The following ATP13A4 variants were observed in gnomAD, a reference collection of about 807,000 sequenced individuals.
ATP13A4 encodes ATPase 13A4, also known as probable cation-transporting ATPase 13A4.
A neutral mutation model predicts 142.5 loss-of-function variants in ATP13A4; 114 were observed. The observed-to-expected ratio is 0.80, with a 90% CI of 0.69 to 0.93. The LOEUF (loss-of-function observed/expected upper bound fraction) is 0.93. ATP13A4 is among the 40% of genes least tolerant of loss of function. The probability of loss-of-function intolerance (pLI) is 0.00; values close to 1 mark genes in which losing one functional copy is unlikely to be tolerated. For synonymous variants in ATP13A4, 488 were observed against 514.8 expected (o/e 0.95, Z 0.70); for missense variants, 1,392 against 1,454.0 (o/e 0.96, Z 0.69).
chr3:193,522,609 T>G (rs1260472184), intron 1 of ATP13A4, among the ~76,000 whole-genome samples: 1 of 152,228 alleles, frequency 6.6e-6, no homozygotes, highest in Admixed American at 6.5e-5. Context: ...CTCTCTGATA[T>G]TCTCGTTTGG....
upstream of ATP13A4, among the ~76,000 whole-genome samples, chr3:193,558,508 C>T (rs944847077): frequency 6.6e-6 from 1 of 152,164 alleles, no homozygotes; most frequent in Non-Finnish European, 1.5e-5. Context: ...AATTATGCCC[C>T]AGAAAAGTTA....
At chr3:193,488,898 A>ACTGCC (rs1313235520) in intron 7 of ATP13A4, among the ~76,000 whole-genome samples, 5 of 152,118 alleles carry the variant, frequency 3.3e-5, no homozygotes, top group Non-Finnish European at 7.4e-5. Context: ...GCACCCCAGG[A>ACTGCC]AGGTGGGAGT....
intron 17 of ATP13A4, among the ~76,000 whole-genome samples, chr3:193,453,154 T>A (rs1717382162): frequency 6.6e-6 from 1 of 152,264 alleles, no homozygotes; most frequent in Non-Finnish European, 1.5e-5. Context: ...GAGCATTTAT[T>A]AAACTATCAC....
intron 3 of ATP13A4, among the ~76,000 whole-genome samples, chr3:193,497,923 T>C (rs1030641711): frequency 1.3e-5 from 2 of 152,146 alleles, no homozygotes; most frequent in African/African-American, 2.4e-5. Flanking sequence ...GGGAATAGCA[T>C]AGACAAAGGG....
In ATP13A4 at chr3:193,459,182, G is replaced by A; in HGVS notation, c.1573C>T (p.Pro525Ser). 6.2e-7 allele frequency: 1 copy of A among 1,614,204 alleles called. No homozygotes were observed. The highest frequency in any genetic ancestry group is 8.5e-7 in the Non-Finnish European group (1 of 1,180,048). Residue 525 changes from proline to serine, a missense_variant, in exon 14 of 30, where the codon CCA becomes TCA. Coordinates refer to ENST00000342695, the MANE Select transcript of ATP13A4 (RefSeq NM_032279.4). ...CAGCTGGCCATCGCTGCACACAGTG[G>A]GCCCCATGGCAAAGCCTGGCCTGAG... Reference protein sequence around the residue: ...FASGQALPWGPLCAAMASCHS... With the variant: ...FASGQALPWGSLCAAMASCHS...
At chr3:193,557,520 C>T (rs1367702543), upstream of ATP13A4, among the ~76,000 whole-genome samples, 3 of 152,220 alleles carry the variant, frequency 2.0e-5, no homozygotes, top group Non-Finnish European at 4.4e-5. Flanking sequence ...GCACACAATC[C>T]TGACAAAAGC....
upstream of ATP13A4, among the ~76,000 whole-genome samples, chr3:193,559,287 T>C (rs909253055): frequency 1.3e-5 from 2 of 152,198 alleles, no homozygotes; most frequent in Admixed American, 1.3e-4. Flanking sequence ...TTCAAGGTCA[T>C]GTGTCTTTAC....
intron 25 of ATP13A4, among the ~76,000 whole-genome samples, chr3:193,431,545 TTTGCAA>T (rs1307119445): frequency 6.6e-6 from 1 of 151,994 alleles, no homozygotes; most frequent in Non-Finnish European, 1.5e-5. Flanking sequence ...AACAAGTATA[TTTGCAA>T]ATTGCTCACT....
intron 5 of ATP13A4, among the ~76,000 whole-genome samples, chr3:193,491,717 ACT>A (rs1217550096): frequency 6.6e-6 from 1 of 152,018 alleles, no homozygotes; most frequent in African/African-American, 2.4e-5. Context: ...CATGTTCCCA[ACT>A]CTGTCTCTCC....
At position 193,441,502 on chromosome 3, in the gene ATP13A4, A is replaced by G. The variant is rs776932235; in HGVS notation, c.2403T>C (p.His801=). The part of the protein sequence containing the change: ...YHFALTGKSF[H]VISQHFSSLL... ...GGCTGCTGAAATGTTGACTTATAAC[A>G]TGAAAGGATTTTCCAGTTAGGGCAA... Residue 801 remains histidine (H), a synonymous_variant, in exon 20 of 30, where the codon CAT becomes CAC. Coordinates refer to ENST00000342695, the MANE Select transcript of ATP13A4 (RefSeq NM_032279.4). 1 of 1,613,862 alleles carries G rather than the reference A, an allele frequency of 6.2e-7. No homozygotes were observed. The highest frequency in any genetic ancestry group is 8.5e-7 in the Non-Finnish European group (1 of 1,179,808).
chr3:193,552,531 A>G (rs1723640744), intron 1 of ATP13A4, among the ~76,000 whole-genome samples: 1 of 152,252 alleles, frequency 6.6e-6, no homozygotes, highest in African/African-American at 2.4e-5. Flanking sequence ...AGCTACTCGA[A>G]TTATCTAGAA....
intron 1 of ATP13A4, among the ~76,000 whole-genome samples, chr3:193,550,516 G>C (rs963105381): frequency 6.6e-6 from 1 of 152,014 alleles, no homozygotes; most frequent in Non-Finnish European, 1.5e-5. Context: ...ATGTTGCCCA[G>C]GCTGGTCTGG....
chr3:193,410,024 A>G (rs1714687385), intron 28 of ATP13A4, among the ~76,000 whole-genome samples: 1 of 152,222 alleles, frequency 6.6e-6, no homozygotes, highest in African/African-American at 2.4e-5. Flanking sequence ...TCTCTTCAAT[A>G]TTGCATTTCT....
rs540611206 is a variant in ATP13A4, at chr3:193,431,883, G to A, written c.2842+1962C>T. 6.6e-5 allele frequency among the ~76,000 whole-genome samples: 10 copies of A among 151,924 alleles called. 1 individual carries two copies. In the East Asian group the frequency reaches 1.7e-3, roughly 26 times the overall value. On this transcript the variant is annotated intron_variant, in intron 25 of 29. Transcript: ENST00000342695. ...TACCACTGCCTCCTACTGAACAACT[G>A]CATAAGCCCAAAATTCAAATTCATG...
intron 23 of ATP13A4, 117 bp downstream of exon 23, chr3:193,438,358 A>C (rs1367301820): frequency 2.3e-6 from 2 of 854,912 alleles, no homozygotes; most frequent in East Asian, 5.3e-5. Context: ...ATTCTTCCAC[A>C]AAACACCCTC....
intron 1 of ATP13A4, chr3:193,554,537 C>G: frequency 1.5e-6 from 1 of 646,352 alleles, no homozygotes; most frequent in Non-Finnish European, 2.7e-6. Flanking sequence ...TTCATTCTAG[C>G]AAATTTCTGC....
chr3:193,458,851 T>C, intron 14 of ATP13A4: 1 of 631,262 alleles, frequency 1.6e-6, no homozygotes, highest in Non-Finnish European at 2.8e-6. Context: ...GTGCCAAGGA[T>C]TTTCTTACTG....
At chr3:193,468,009 G>A (rs1190659523) in intron 9 of ATP13A4, among the ~76,000 whole-genome samples, 1 of 152,034 alleles carries the variant, frequency 6.6e-6, no homozygotes, top group African/African-American at 2.4e-5. Flanking sequence ...AGAAACCCCA[G>A]TTTTGTAAAA....
At chr3:193,416,414 G>C (rs965098350) in intron 25 of ATP13A4, among the ~76,000 whole-genome samples, 3 of 152,046 alleles carry the variant, frequency 2.0e-5, no homozygotes, top group African/African-American at 7.2e-5. Context: ...AAATAACTAA[G>C]GGAAACCACG....
Sources: gnomAD v4.1 joint callset for allele counts (sites outside exome capture counted in the v4.1 genomes callset) on GRCh38, gnomAD v4.1.1 for gene constraint, MANE v1.5 for transcripts, NCBI Gene and HGNC (gene_info 2026-07-23, HGNC 2026-07-21) for gene names.